The following COL23A1 variants were observed in gnomAD, a reference collection of about 807,000 sequenced individuals.
COL23A1 encodes collagen type XXIII alpha 1 chain, also known as collagen alpha-1(XXIII) chain.
Under a neutral mutation model 99.3 loss-of-function variants are expected in COL23A1, and 97 were observed. The observed-to-expected ratio is 0.98, with a 90% CI of 0.83 to 1.16. The LOEUF (loss-of-function observed/expected upper bound fraction) is 1.16. COL23A1 is among the 50% of genes most tolerant of loss of function. The pLI, the probability that COL23A1 is intolerant of heterozygous loss-of-function variation, is 0.00. For missense variants in COL23A1, 762 were observed against 757.4 expected, an observed-to-expected ratio of 1.01 and a Z score of -0.07; for synonymous variants, 320 against 308.2, an observed-to-expected ratio of 1.04 and a Z score of -0.40.
chr5:178,494,564 A>G (rs2127975780), intron 2 of COL23A1, among the ~76,000 whole-genome samples: 1 of 152,240 alleles, frequency 6.6e-6, no homozygotes, highest in Middle Eastern at 3.4e-3. Flanking sequence ...AATCCCAGCT[A>G]CCTGGGAGGC....
intron 5 of COL23A1, among the ~76,000 whole-genome samples, chr5:178,277,769 T>A (rs1394712419): frequency 8.0e-5 from 7 of 87,600 alleles, no homozygotes; most frequent in African/African-American, 3.3e-4. Flanking sequence ...CACTGTGCCT[T>A]TGAACCGATC....
rs901407556 is a variant in COL23A1 at position 178,434,891 on chromosome 5, C to A, written c.361+125791G>T. Among the ~76,000 whole-genome samples the A allele has an allele frequency of 2.6e-5, 4 of 152,222 alleles. No individual in the cohort carries two copies. The highest frequency in any genetic ancestry group is 4.8e-5 in the African/African-American group (2 of 41,460). On this transcript the variant is annotated intron_variant, in intron 2 of 28. Transcript: ENST00000390654. This position sits in a 1 kb window ranked among gnomAD's most constrained non-coding sequence, Gnocchi z 4.3. Reference sequence around the variant, plus strand: ...GAAGGCAGGCATCCACTTCTGAACCCTCGGTCTCAGCCCTTGCAGGGCAGC... The same window carrying A: ...GAAGGCAGGCATCCACTTCTGAACCATCGGTCTCAGCCCTTGCAGGGCAGC...
At chr5:178,270,481 C>A (rs1359809739) in intron 5 of COL23A1, 118 bp from the exon 6 acceptor site, 1 of 1,245,516 alleles carries the variant, frequency 8.0e-7, no homozygotes, top group Non-Finnish European at 1.1e-6. Flanking sequence ...AGCCCCGCGT[C>A]TGGGTTCAGT....
At chr5:178,437,839 A>T (rs1766645726) in intron 2 of COL23A1, among the ~76,000 whole-genome samples, 1 of 152,130 alleles carries the variant, frequency 6.6e-6, no homozygotes, top group African/African-American at 2.4e-5. Context: ...TGCTTGTGGG[A>T]CGGGACCCAG....
intron 5 of COL23A1, among the ~76,000 whole-genome samples, chr5:178,284,748 T>C (rs1757068051): frequency 6.6e-6 from 1 of 152,202 alleles, no homozygotes; most frequent in Non-Finnish European, 1.5e-5. Context: ...AAAAGTCTCA[T>C]GCTATATTTA....
chr5:178,467,022 G>GTA (rs1194877622), intron 2 of COL23A1, among the ~76,000 whole-genome samples: 4 of 152,278 alleles, frequency 2.6e-5, no homozygotes, highest in East Asian at 1.9e-4. Context: ...GACATTATAT[G>GTA]TATATATATA....
chr5:178,248,192 C>G lies in COL23A1; in HGVS notation c.1212G>C (p.Leu404=). The G allele has an allele frequency of 1.3e-6, 2 of 1,598,102 alleles. No homozygotes were observed. Among genetic ancestry groups the G allele is most frequent in the South Asian group, 2.2e-5 (2 of 90,616 alleles). ...CCCTGACCCCCCCATACCCCCTTACCAGGCTCTCCTGTAGGCTGTCAGACG... is the reference window on the plus strand; with the variant it reads ...CCCTGACCCCCCCATACCCCCTTACGAGGCTCTCCTGTAGGCTGTCAGACG... ...ESASDSLQES[L]AQLIVEPGPP... Residue 404 remains leucine, a splice_region_variant and synonymous_variant, in exon 20 of 29, where the codon CTG becomes CTC. Transcript: ENST00000390654.
chr5:178,363,986 C>T (rs577116934), intron 2 of COL23A1, among the ~76,000 whole-genome samples: 5 of 152,352 alleles, frequency 3.3e-5, no homozygotes, highest in African/African-American at 7.2e-5. Context: ...CTTCGCTTTG[C>T]GGCCCTCCTG....
chr5:178,494,146 C>G (rs949681234), intron 2 of COL23A1, among the ~76,000 whole-genome samples: 4 of 152,144 alleles, frequency 2.6e-5, no homozygotes, highest in African/African-American at 9.7e-5. Flanking sequence ...TCTTGTTTTG[C>G]AATACCCCAC....
At chr5:178,574,158 C>T (rs904979612) in intron 1 of COL23A1, among the ~76,000 whole-genome samples, 2 of 152,134 alleles carry the variant, frequency 1.3e-5, no homozygotes, top group African/African-American at 4.8e-5. Context: ...CGCACCTGGA[C>T]CTGAGGGTTC....
In COL23A1 at chr5:178,544,016, G is replaced by C. The variant is rs1761441896; in HGVS notation, c.361+16666C>G. Among the ~76,000 whole-genome samples the C allele has an allele frequency of 6.6e-6, 1 of 151,982 alleles. No homozygotes were observed. Among genetic ancestry groups the C allele is most frequent in the African/African-American group, 2.4e-5 (1 of 41,352 alleles). On this transcript the variant is annotated intron_variant, in intron 2 of 28. Transcript: ENST00000390654. The surrounding 1 kb of genome is among the most constrained non-coding windows in gnomAD (Gnocchi z 4.4). ...TCTAAGGGCACTAATCCCATCACAA[G>C]GGCTCCACTCTCATACCCTAATCAC...
intron 2 of COL23A1, among the ~76,000 whole-genome samples, chr5:178,491,963 G>T (rs1757957509): frequency 6.6e-6 from 1 of 152,136 alleles, no homozygotes; most frequent in Admixed American, 6.5e-5. Context: ...TTGAACTCCT[G>T]ACCTCAGGTG....
At chr5:178,425,561 C>T (rs918599240) in intron 2 of COL23A1, among the ~76,000 whole-genome samples, 1 of 152,160 alleles carries the variant, frequency 6.6e-6, no homozygotes, top group South Asian at 2.1e-4. Flanking sequence ...ATTGACACCA[C>T]AGGGCAGTTT....
At chr5:178,454,380 C>T (rs886729277) in intron 2 of COL23A1, among the ~76,000 whole-genome samples, 1 of 152,148 alleles carries the variant, frequency 6.6e-6, no homozygotes, top group Non-Finnish European at 1.5e-5. Flanking sequence ...TGCAGATAAC[C>T]TAGGCCTGCA....
At chr5:178,284,761 G>GA (rs1300809304) in intron 5 of COL23A1, among the ~76,000 whole-genome samples, 3 of 151,942 alleles carry the variant, frequency 2.0e-5, no homozygotes, top group African/African-American at 4.8e-5. Context: ...TATATTTAGT[G>GA]AAAAAAATAG....
chr5:178,302,131 C>T (rs1249578307), intron 3 of COL23A1, among the ~76,000 whole-genome samples: 1 of 138,594 alleles, frequency 7.2e-6, no homozygotes, highest in Non-Finnish European at 1.5e-5. Flanking sequence ...CGCCGGAGCA[C>T]GGCTTCAATC....
At chr5:178,242,870 C>CG (rs1561781165) in intron 25 of COL23A1, among the ~76,000 whole-genome samples, 1 of 152,166 alleles carries the variant, frequency 6.6e-6, no homozygotes, top group East Asian at 1.9e-4. Context: ...CACTAGGAAC[C>CG]GGGCTGTTGG....
intron 6 of COL23A1, among the ~76,000 whole-genome samples, chr5:178,269,101 G>A (rs1315526109): frequency 6.6e-6 from 1 of 152,094 alleles, no homozygotes; most frequent in Non-Finnish European, 1.5e-5. Flanking sequence ...CATTGTCAGT[G>A]GGAGACCACT....
At chr5:178,521,683 T>A (rs1198528916) in intron 2 of COL23A1, among the ~76,000 whole-genome samples, 1 of 152,196 alleles carries the variant, frequency 6.6e-6, no homozygotes, top group Non-Finnish European at 1.5e-5. Flanking sequence ...TGAAAAGGAA[T>A]GAAGCACTGA....
Sources: gnomAD v4.1 joint callset for allele counts (sites outside exome capture counted in the v4.1 genomes callset) on GRCh38, gnomAD v4.1.1 for gene constraint, Gnocchi (gnomAD v3.1) non-coding constraint, MANE v1.5 for transcripts, NCBI Gene and HGNC (gene_info 2026-07-23, HGNC 2026-07-21) for gene names.